TTC6: variants seen among roughly 807,000 people sequenced by gnomAD.
TTC6 encodes the protein tetratricopeptide repeat protein 6.
TTC6 carries 172 observed loss-of-function variants against 210.4 expected under a neutral mutation model. The observed-to-expected ratio is 0.82, with a 90% CI of 0.72 to 0.93. The LOEUF is 0.93. Among genes scored for constraint, TTC6 ranks in the 40% least tolerant of loss-of-function variants. TTC6 has a pLI of 0.00. For missense variants in TTC6, 2,414 were observed against 2,318.1 expected (o/e 1.04, Z -0.85); for synonymous variants, 804 against 819.6 (o/e 0.98, Z 0.32).
chr14:37,735,436 A>G (rs1401011813), intron 7 of TTC6, among the ~76,000 whole-genome samples: 2 of 152,166 alleles, frequency 1.3e-5, no homozygotes, highest in African/African-American at 2.4e-5. Flanking sequence ...TACTCTTACA[A>G]CAATAAATAT....
chr14:37,602,572 G>A (rs748581610), intron 1 of TTC6, among the ~76,000 whole-genome samples: 1 of 152,142 alleles, frequency 6.6e-6, no homozygotes, highest in Non-Finnish European at 1.5e-5. Flanking sequence ...GCGATCCTCC[G>A]CCGCATCTGG....
intron 5 of TTC6, among the ~76,000 whole-genome samples, chr14:37,712,982 G>A (rs2095846983): frequency 6.6e-6 from 1 of 152,190 alleles, no homozygotes; most frequent in Non-Finnish European, 1.5e-5. Context: ...CACAGAGCAT[G>A]TTTAACTGGC....
rs150617242 is a variant in TTC6, at chr14:37,657,195, T to C, written c.940-22956T>C. 4.5e-3 allele frequency among the ~76,000 whole-genome samples: 486 copies of C among 108,706 alleles called. 3 individuals are homozygous for C. Among genetic ancestry groups the C allele is most frequent in the African/African-American group, 0.017 (467 of 27,362 alleles). The allele number at this position is 108,706 out of a possible 152,430, so 71.3% of individuals were successfully genotyped here. On this transcript the variant is annotated intron_variant, in intron 1 of 30. Transcript: ENST00000553443. ...CAGTTGTACTCCAGCCTGGGCAACA[T>C]GAGCGAAACTCTGTCTCAAAAAAAA...
At chr14:37,810,023 A>G (rs1394882725) in intron 24 of TTC6, among the ~76,000 whole-genome samples, 2 of 152,236 alleles carry the variant, frequency 1.3e-5, no homozygotes, top group African/African-American at 2.4e-5. Flanking sequence ...GGACAGTGAA[A>G]TCTGTTTAAA....
intron 1 of TTC6, among the ~76,000 whole-genome samples, chr14:37,631,404 G>A (rs1316775411): frequency 1.3e-5 from 2 of 152,122 alleles, no homozygotes; most frequent in Non-Finnish European, 2.9e-5. Context: ...ATTCTGGGTT[G>A]AAAATTCTTT....
intron 29 of TTC6, among the ~76,000 whole-genome samples, chr14:37,830,702 T>G (rs1209918948): frequency 2.0e-5 from 3 of 151,836 alleles, no homozygotes; most frequent in Non-Finnish European, 4.4e-5. Context: ...TTCTGATTCA[T>G]TTTTTCTTGA....
chr14:37,718,556 A>G (rs1287572206), intron 6 of TTC6, among the ~76,000 whole-genome samples: 1 of 73,788 alleles, frequency 1.4e-5, no homozygotes, highest in African/African-American at 5.2e-5. Context: ...AAGAAGTGGG[A>G]AAAAAAAGCT....
chr14:37,599,002 A>G (rs1220900808), intron 1 of TTC6, among the ~76,000 whole-genome samples: 3 of 147,518 alleles, frequency 2.0e-5, no homozygotes, highest in African/African-American at 7.6e-5. Flanking sequence ...TGAAACTAAG[A>G]CCTGTGGTCG....
chr14:37,648,859 A>C (rs563172235), intron 1 of TTC6, among the ~76,000 whole-genome samples: 4 of 152,112 alleles, frequency 2.6e-5, no homozygotes, highest in South Asian at 4.1e-4. Flanking sequence ...TTAATAGATT[A>C]TTTCTTGTTA....
intron 14 of TTC6, among the ~76,000 whole-genome samples, chr14:37,760,971 T>A (rs547743980): frequency 5.8e-4 from 89 of 152,296 alleles, no homozygotes; most frequent in Non-Finnish European, 1.1e-3. Flanking sequence ...TGGGACCCAC[T>A]GAGTGAGACA....
chr14:37,658,244 C>T (rs2095729089), intron 1 of TTC6, among the ~76,000 whole-genome samples: 1 of 152,092 alleles, frequency 6.6e-6, no homozygotes, highest in South Asian at 2.1e-4. Context: ...CTGTTCTTAG[C>T]TTATAGGCCA....
chr14:37,669,901 A>AG (rs1434358624), intron 1 of TTC6, among the ~76,000 whole-genome samples: 1 of 152,208 alleles, frequency 6.6e-6, no homozygotes, highest in African/African-American at 2.4e-5. Context: ...TGAGATTAGG[A>AG]GGCTTAAGAG....
At chr14:37,695,090 AT>A (rs2138643174) in intron 3 of TTC6, among the ~76,000 whole-genome samples, 1 of 150,910 alleles carries the variant, frequency 6.6e-6, no homozygotes, top group Admixed American at 6.6e-5. Flanking sequence ...TTGCAACAAC[AT>A]GGAAGGAACT....
exon 1 of TTC6, chr14:37,622,219 A>G: frequency 1.3e-6 from 2 of 1,535,588 alleles, no homozygotes; most frequent in African/African-American, 1.4e-5. Flanking sequence ...AGCCCAGTCC[A>G]CAGCCTCCAT....
At chr14:37,618,257 T>C (rs555719721), upstream of TTC6, among the ~76,000 whole-genome samples, 1 of 152,340 alleles carries the variant, frequency 6.6e-6, no homozygotes, top group Non-Finnish European at 1.5e-5. Flanking sequence ...CTGGAGAACT[T>C]TCTTCTGATG....
intron 26 of TTC6, among the ~76,000 whole-genome samples, chr14:37,821,016 CTT>C (rs2096155232): frequency 6.0e-5 from 3 of 50,134 alleles, no homozygotes; most frequent in Non-Finnish European, 9.9e-5. Context: ...TCTTCTTCTT[CTT>C]CTTCCTCTTC....
intron 5 of TTC6, among the ~76,000 whole-genome samples, chr14:37,705,404 A>G (rs532859087): frequency 4.1e-4 from 62 of 152,314 alleles, no homozygotes; most frequent in Non-Finnish European, 6.6e-4. Context: ...GCGAAAATGA[A>G]AAACAATTAC....
intron 1 of TTC6, among the ~76,000 whole-genome samples, chr14:37,599,019 C>T (rs2095610125): frequency 6.6e-6 from 1 of 150,662 alleles, no homozygotes. Flanking sequence ...GTCGTTAACG[C>T]GGTTCAAAGC....
chr14:37,655,996 A>C (rs2095722052), intron 1 of TTC6, among the ~76,000 whole-genome samples: 1 of 152,172 alleles, frequency 6.6e-6, no homozygotes, highest in African/African-American at 2.4e-5. Context: ...GTAAGTGTTC[A>C]ATAATAGCTC....
Sources: gnomAD v4.1 joint callset for allele counts (sites outside exome capture counted in the v4.1 genomes callset) on GRCh38, gnomAD v4.1.1 for gene constraint, MANE v1.5 for transcripts, NCBI Gene and HGNC (gene_info 2026-07-23, HGNC 2026-07-21) for gene names.